PIKFYVE: variants seen among roughly 807,000 people sequenced by gnomAD.
PIKFYVE encodes the protein phosphoinositide kinase, FYVE-type zinc finger containing.
In PIKFYVE, 122 loss-of-function variants were observed where a neutral mutation model predicts 257.9. The ratio of observed to expected loss-of-function variants is 0.47; its 90% CI spans 0.41 to 0.55. The LOEUF (loss-of-function observed/expected upper bound fraction) is 0.55. PIKFYVE is among the 20% of genes least tolerant of loss of function. PIKFYVE has a pLI of 0.00. For missense variants in PIKFYVE, 2,160 were observed against 2,536.6 expected, an observed-to-expected ratio of 0.85 and a Z score of 3.19; for synonymous variants, 892 against 868.9, an observed-to-expected ratio of 1.03 and a Z score of -0.47.
intron 6 of PIKFYVE, among the ~76,000 whole-genome samples, chr2:208,286,336 G>A (rs553892270): frequency 8.5e-5 from 13 of 152,288 alleles, no homozygotes; most frequent in African/African-American, 3.1e-4. Context: ...TGTACAATAT[G>A]TATTCATATT....
intron 13 of PIKFYVE, among the ~76,000 whole-genome samples, chr2:208,313,861 G>T (rs186888909): frequency 6.6e-6 from 1 of 152,320 alleles, no homozygotes; most frequent in African/African-American, 2.4e-5. Flanking sequence ...GGAATTACAG[G>T]CGTGAGCTAC....
chr2:208,323,406 C>T (rs1002137421), intron 17 of PIKFYVE, among the ~76,000 whole-genome samples: 13 of 150,926 alleles, frequency 8.6e-5, no homozygotes, highest in African/African-American at 3.2e-4. Context: ...TGATGATTTA[C>T]AATTTCATCC....
At chr2:208,303,905 G>A (rs1694022701) in intron 10 of PIKFYVE, among the ~76,000 whole-genome samples, 2 of 152,170 alleles carry the variant, frequency 1.3e-5, no homozygotes, top group Non-Finnish European at 2.9e-5. Flanking sequence ...GGCATGAAAT[G>A]AAACACTATA....
intron 7 of PIKFYVE, among the ~76,000 whole-genome samples, chr2:208,290,388 C>T (rs975266194): frequency 6.6e-6 from 1 of 152,156 alleles, no homozygotes; most frequent in Non-Finnish European, 1.5e-5. Context: ...GTAGACTTTT[C>T]GGATAGGCTT....
chr2:208,286,052 T>C, intron 6 of PIKFYVE, 119 bp downstream of exon 6: 1 of 1,029,550 alleles, frequency 9.7e-7, no homozygotes, highest in Non-Finnish European at 1.4e-6. Context: ...GTTCACTGTG[T>C]TCTCCTTTTT....
intron 5 of PIKFYVE, among the ~76,000 whole-genome samples, chr2:208,283,614 T>C (rs4673387): frequency 0.96 from 145,985 of 152,078 alleles, 70,223 homozygotes; most frequent in East Asian, 1. Context: ...CTTGCTCTGT[T>C]GCCCAGGCTG....
chr2:208,304,063 A>G lies in PIKFYVE; in HGVS notation c.1321-108A>G, dbSNP rs549170517. ...AATTTGTTTATTTTTATAAAATTCA[A>G]TTGTTAGGTTCATAGAAATATTGGA... is the stretch of plus-strand genomic sequence containing the variant. On this transcript the variant is annotated intron_variant, in intron 10 of 41. Transcript: ENST00000264380. 4.1e-5 allele frequency: 55 copies of G among 1,326,978 alleles called. No individual in the cohort carries two copies. In the South Asian group the frequency reaches 4.3e-4, roughly 10 times the overall value. The allele number at this position is 1,326,978 out of a possible 1,614,324, so 82.2% of individuals were successfully genotyped here.
chr2:208,355,479 C>A lies in PIKFYVE; in HGVS notation c.*174C>A. 1 of 599,240 alleles carries A rather than the reference C, an allele frequency of 1.7e-6. No homozygotes were observed. The allele number at this position is 599,240 out of a possible 1,614,324, so 37.1% of individuals were successfully genotyped here. ...GGAATGGTAAAACTCCATGAATTTG[C>A]ACTTTGGTTTTTGATACCTGTGGAG... On this transcript the variant is annotated 3_prime_UTR_variant, in exon 42 of 42. Coordinates refer to ENST00000264380, the MANE Select transcript of PIKFYVE (RefSeq NM_015040.4).
intron 7 of PIKFYVE, among the ~76,000 whole-genome samples, chr2:208,293,281 A>C (rs148489807): frequency 1.8e-3 from 269 of 152,250 alleles, no homozygotes; most frequent in African/African-American, 5.8e-3. Context: ...ACATAATTGA[A>C]TATATTGTTG....
chr2:208,336,312 A>G (rs1320534876), intron 27 of PIKFYVE, 112 bp downstream of exon 27: 3 of 1,278,330 alleles, frequency 2.3e-6, no homozygotes, highest in African/African-American at 1.5e-5. Flanking sequence ...TGCTCAAGTT[A>G]AAGAGCCTTT....
chr2:208,329,725 C>G, intron 21 of PIKFYVE, 117 bp from the exon 22 acceptor site: 1 of 1,495,422 alleles, frequency 6.7e-7, no homozygotes, highest in Non-Finnish European at 9.0e-7. Context: ...ACATTACCTC[C>G]TTTCATACTT....
At chr2:208,292,492 A>G (rs1266787115) in intron 7 of PIKFYVE, among the ~76,000 whole-genome samples, 1 of 152,086 alleles carries the variant, frequency 6.6e-6, no homozygotes, top group Non-Finnish European at 1.5e-5. Context: ...GAGCGAGCAT[A>G]CATATTAAGG....
In PIKFYVE at chr2:208,342,859, A is replaced by G. The variant is rs529416138; in HGVS notation, c.5027+210A>G. Among the ~76,000 whole-genome samples the G allele has an allele frequency of 2.7e-5, 4 of 148,070 alleles. No individual in the cohort carries two copies. The South Asian group carries it at 6.5e-4, about 24-fold the overall frequency. ...GCCCAGGCTGGAGTGCAGTGGTGCAATCTCGGCTCACTGCAACCTCTGCCT... is the reference window on the plus strand; with the variant it reads ...GCCCAGGCTGGAGTGCAGTGGTGCAGTCTCGGCTCACTGCAACCTCTGCCT... On this transcript the variant is annotated intron_variant, in intron 32 of 41. Transcript: ENST00000264380.
intron 36 of PIKFYVE, 64 bp downstream of exon 36, chr2:208,350,147 T>C (rs1439676150): frequency 1.3e-6 from 2 of 1,596,146 alleles, no homozygotes; most frequent in Admixed American, 3.5e-5. Context: ...ATCTCTATTA[T>C]TTGAGAATTC....
At chr2:208,276,161 C>T (rs2125047755) in intron 3 of PIKFYVE, among the ~76,000 whole-genome samples, 1 of 152,276 alleles carries the variant, frequency 6.6e-6, no homozygotes, top group South Asian at 2.1e-4. Flanking sequence ...AATTTGCCAT[C>T]CTGGATGTTG....
Position 208,335,774 on chromosome 2 carries a change from A to G in PIKFYVE, c.4257-19A>G. On this transcript the variant is annotated intron_variant, in intron 25 of 41. Coordinates refer to ENST00000264380, the MANE Select transcript of PIKFYVE (RefSeq NM_015040.4). ...TGATTCACCCTTTCTAAAGTGTTTA[A>G]TGCTCTCGCTATTGTTAGAGTTTCA... 1.3e-6 allele frequency: 2 copies of G among 1,566,866 alleles called. No individual in the cohort carries two copies. The highest frequency in any genetic ancestry group is 1.8e-6 in the Non-Finnish European group (2 of 1,137,660).
At chr2:208,304,044 T>C in intron 10 of PIKFYVE, 127 bp from the exon 11 acceptor site, 1 of 1,215,078 alleles carries the variant, frequency 8.2e-7, no homozygotes, top group Non-Finnish European at 1.2e-6. Flanking sequence ...TGTTAATTTG[T>C]TTATTTTTAT....
At chr2:208,351,679 T>C (rs973387779) in intron 38 of PIKFYVE, among the ~76,000 whole-genome samples, 7 of 151,820 alleles carry the variant, frequency 4.6e-5, no homozygotes, top group Non-Finnish European at 5.9e-5. Flanking sequence ...CTTACAGTCA[T>C]GGTGGAAGGC....
At chr2:208,307,154 G>A (rs1176695813) in intron 12 of PIKFYVE, among the ~76,000 whole-genome samples, 1 of 152,168 alleles carries the variant, frequency 6.6e-6, no homozygotes, top group Non-Finnish European at 1.5e-5. Flanking sequence ...GAAAGAGGGG[G>A]CAGCACTTTT....
Sources: gnomAD v4.1 joint callset for allele counts (sites outside exome capture counted in the v4.1 genomes callset) on GRCh38, gnomAD v4.1.1 for gene constraint, MANE v1.5 for transcripts, NCBI Gene and HGNC (gene_info 2026-07-23, HGNC 2026-07-21) for gene names.